CNTN4: variants seen among roughly 807,000 people sequenced by gnomAD.
The protein encoded by CNTN4 is contactin 4.
CNTN4 carries 77 observed loss-of-function variants against 122.5 expected under a neutral mutation model. The observed-to-expected ratio is 0.63, with a 90% CI of 0.52 to 0.76. The LOEUF (loss-of-function observed/expected upper bound fraction) is 0.76, where lower values mean the gene tolerates loss of function less well. Ranked by LOEUF, CNTN4 falls within the 30% of genes least tolerant of loss-of-function variation. The probability of loss-of-function intolerance (pLI) is 0.00; values close to 1 mark genes in which losing one functional copy is unlikely to be tolerated. For synonymous variants in CNTN4, 512 were observed against 447.0 expected (o/e 1.15, Z -1.83); for missense variants, 1,256 against 1,259.1 (o/e 1.00, Z 0.04).
intron 3 of CNTN4, among the ~76,000 whole-genome samples, chr3:2,393,224 T>C (rs1467917516): frequency 6.7e-6 from 1 of 148,222 alleles, no homozygotes. Context: ...CCTATTTTTA[T>C]GAGAATACCA....
intron 23 of CNTN4, among the ~76,000 whole-genome samples, chr3:3,050,288 T>TA (rs1199781980): frequency 0.017 from 2,541 of 151,434 alleles, 74 homozygotes; most frequent in African/African-American, 0.059. Context: ...CATGTCTAAC[T>TA]CAAAAAAAAT....
chr3:3,024,500 G>A (rs1698569024), intron 14 of CNTN4, among the ~76,000 whole-genome samples: 1 of 151,482 alleles, frequency 6.6e-6, no homozygotes, highest in Non-Finnish European at 1.5e-5. Flanking sequence ...TTTCAAATCA[G>A]GGGTTTTCTA....
At chr3:2,305,059 A>G (rs1164329498) in intron 2 of CNTN4, among the ~76,000 whole-genome samples, 1 of 151,964 alleles carries the variant, frequency 6.6e-6, no homozygotes, top group African/African-American at 2.4e-5. Context: ...TTATAGGTCC[A>G]TTTCCCTGGT....
At chr3:2,510,603 A>G (rs2076858355) in intron 3 of CNTN4, among the ~76,000 whole-genome samples, 1 of 152,190 alleles carries the variant, frequency 6.6e-6, no homozygotes, top group South Asian at 2.1e-4. Flanking sequence ...TTTTATATCC[A>G]TAACCCAGAC....
intron 4 of CNTN4, among the ~76,000 whole-genome samples, chr3:2,591,596 C>T (rs1296405354): frequency 1.9e-5 from 1 of 51,924 alleles, no homozygotes; most frequent in Non-Finnish European, 4.9e-5. Context: ...GATCTCCTGA[C>T]CTCGTGATCC....
rs543639497 is a variant in CNTN4 at position 2,147,379 on chromosome 3, CA to C, written c.-145+46751del. 1.5e-3 allele frequency among the ~76,000 whole-genome samples: 224 copies of C among 145,254 alleles called. 1 individual carries two copies. Among genetic ancestry groups the C allele is most frequent in the African/African-American group, 3.8e-3 (152 of 39,850 alleles). On this transcript the variant is annotated intron_variant, in intron 2 of 24. Transcript: ENST00000418658. ...AAAAATAAAAACAAATTAAAAATAGCAAAAAAAAAAATTTGCAGTAATTTTA... is the reference window on the plus strand; with the variant it reads ...AAAAATAAAAACAAATTAAAAATAGCAAAAAAAAAATTTGCAGTAATTTTA...
intron 2 of CNTN4, among the ~76,000 whole-genome samples, chr3:2,308,092 T>C (rs1467651222): frequency 6.6e-6 from 1 of 152,162 alleles, no homozygotes; most frequent in Admixed American, 6.5e-5. Flanking sequence ...CACAGGGTTA[T>C]TCAGATTTTC....
intron 2 of CNTN4, among the ~76,000 whole-genome samples, chr3:2,248,412 G>GAATC (rs1303440893): frequency 6.6e-6 from 1 of 151,888 alleles, no homozygotes; most frequent in Non-Finnish European, 1.5e-5. Context: ...TCACATTCTA[G>GAATC]AATCAATCAA....
In CNTN4 at chr3:3,030,888, A is replaced by G. The variant is rs150134276; in HGVS notation, c.1696A>G (p.Ile566Val). The G allele has an allele frequency of 6.2e-7, 1 of 1,614,104 alleles. No homozygotes were observed. Among genetic ancestry groups the G allele is most frequent in the South Asian group, 1.1e-5 (1 of 91,088 alleles). ...AGCTGGTGATTTGATGATCCGAAAC[A>G]TCCAACTGAAGCATGCTGGGAAATA... ...DSAGDLMIRN[I>V]QLKHAGKYVC... is the part of the protein sequence containing the mutation. Residue 566 changes from isoleucine to valine, a missense_variant, in exon 16 of 25, where the codon ATC becomes GTC. Transcript: ENST00000418658.
chr3:2,476,772 G>A (rs551794316), intron 3 of CNTN4, among the ~76,000 whole-genome samples: 1 of 152,206 alleles, frequency 6.6e-6, no homozygotes, highest in African/African-American at 2.4e-5. Context: ...AAAACTCCTT[G>A]AATTATACAC....
intron 4 of CNTN4, among the ~76,000 whole-genome samples, chr3:2,591,448 T>C: frequency 1.1e-5 from 1 of 88,884 alleles, no homozygotes; most frequent in East Asian, 2.9e-4. Context: ...CACTGCAAGC[T>C]CCGCCTCCCG....
chr3:2,528,809 T>C (rs2077492174), intron 3 of CNTN4, among the ~76,000 whole-genome samples: 1 of 152,082 alleles, frequency 6.6e-6, no homozygotes, highest in African/African-American at 2.4e-5. Context: ...TATGACAAGC[T>C]ATTTCTTGAT....
intron 3 of CNTN4, among the ~76,000 whole-genome samples, chr3:2,485,811 C>A (rs1471175704): frequency 1.3e-5 from 2 of 152,026 alleles, no homozygotes; most frequent in South Asian, 4.2e-4. Flanking sequence ...GTGTCTAGCT[C>A]AGGGATTATA....
chr3:2,514,214 C>A (rs1029742173), intron 3 of CNTN4, among the ~76,000 whole-genome samples: 1 of 152,138 alleles, frequency 6.6e-6, no homozygotes, highest in African/African-American at 2.4e-5. Context: ...GACTTTATAA[C>A]GTCCTCAGCG....
At chr3:2,317,287 G>C (rs547106566) in intron 2 of CNTN4, among the ~76,000 whole-genome samples, 117 of 152,162 alleles carry the variant, frequency 7.7e-4, no homozygotes, top group African/African-American at 2.8e-3. Flanking sequence ...ATGGAGTTGG[G>C]GTTTCATTTA....
chr3:2,516,572 A>G (rs1258476200), intron 3 of CNTN4, among the ~76,000 whole-genome samples: 2 of 152,086 alleles, frequency 1.3e-5, no homozygotes, highest in Non-Finnish European at 2.9e-5. Flanking sequence ...GGTAAAGTAA[A>G]TTGGACATAG....
chr3:2,615,827 A>C (rs1047095431), intron 4 of CNTN4, among the ~76,000 whole-genome samples: 2 of 152,182 alleles, frequency 1.3e-5, no homozygotes, highest in Non-Finnish European at 2.9e-5. Context: ...AAAAGCACTG[A>C]TACATCTTTC....
At chr3:2,676,757 T>C (rs951559172) in intron 4 of CNTN4, among the ~76,000 whole-genome samples, 3 of 152,266 alleles carry the variant, frequency 2.0e-5, no homozygotes, top group Non-Finnish European at 2.9e-5. Flanking sequence ...TGATGGTCTT[T>C]ATACTGTTTT....
chr3:2,693,375 C>T (rs985959298), intron 4 of CNTN4, among the ~76,000 whole-genome samples: 3 of 152,082 alleles, frequency 2.0e-5, no homozygotes, highest in Admixed American at 6.6e-5. Flanking sequence ...AATATCAGTT[C>T]AGGTTGATTT....
Sources: gnomAD v4.1 joint callset for allele counts (sites outside exome capture counted in the v4.1 genomes callset) on GRCh38, gnomAD v4.1.1 for gene constraint, MANE v1.5 for transcripts, NCBI Gene and HGNC (gene_info 2026-07-23, HGNC 2026-07-21) for gene names.